The following PALLD variants were observed in gnomAD, a reference collection of about 807,000 sequenced individuals.
PALLD encodes palladin.
Under a neutral mutation model 123.5 loss-of-function variants are expected in PALLD, and 61 were observed. That is an observed-to-expected ratio of 0.49 (90% confidence interval 0.40 to 0.61). The LOEUF is 0.61. Ranked by LOEUF, PALLD falls within the 20% of genes least tolerant of loss-of-function variation. The probability of loss-of-function intolerance (pLI) is 0.00; values close to 1 mark genes in which losing one functional copy is unlikely to be tolerated. For synonymous variants in PALLD, 465 were observed against 496.4 expected (o/e 0.94, Z 0.84); for missense variants, 1,273 against 1,377.0 (o/e 0.92, Z 1.20).
Position 168,630,559 on chromosome 4 carries a change from C to G in PALLD, c.909-37631C>G, listed in dbSNP as rs543471871. On this transcript the variant is annotated intron_variant, in intron 2 of 21. Coordinates refer to ENST00000505667, the MANE Select transcript of PALLD (RefSeq NM_001166108.2). The stretch of plus-strand genomic sequence containing the variant: ...TTCACTTCAAAAAATACTGTTTGCA[C>G]TATCTCTACTATTGACCTCTCAAGA... Among the ~76,000 whole-genome samples, 117 of 152,314 alleles carry G rather than the reference C, an allele frequency of 7.7e-4. 2 individuals carry two copies. In the South Asian group the frequency reaches 0.024, roughly 31 times the overall value.
chr4:168,737,526 G>T (rs1439400054), intron 10 of PALLD, among the ~76,000 whole-genome samples: 6 of 148,034 alleles, frequency 4.1e-5, no homozygotes, highest in East Asian at 2.0e-4. Flanking sequence ...TGTTTTTTTG[G>T]TTTTTTTTTT....
At chr4:168,554,868 C>T (rs780928562) in intron 2 of PALLD, among the ~76,000 whole-genome samples, 52 of 152,172 alleles carry the variant, frequency 3.4e-4, no homozygotes, top group Non-Finnish European at 6.3e-4. Context: ...ATACTATTTA[C>T]TTTTATACTA....
intron 14 of PALLD, among the ~76,000 whole-genome samples, chr4:168,898,935 ATAAC>A (rs1755853264): frequency 6.6e-6 from 1 of 152,200 alleles, no homozygotes; most frequent in South Asian, 2.1e-4. Context: ...AGAATAGAGA[ATAAC>A]TAACAGGGAG....
intron 18 of PALLD, 39 bp from the exon 19 acceptor site, chr4:168,924,216 G>C (rs777810564): frequency 1.3e-6 from 2 of 1,573,738 alleles, no homozygotes; most frequent in South Asian, 2.2e-5. Flanking sequence ...TGCTCCTTTT[G>C]TATATCATTG....
At chr4:168,593,101 A>G (rs1771604514) in intron 2 of PALLD, among the ~76,000 whole-genome samples, 1 of 152,160 alleles carries the variant, frequency 6.6e-6, no homozygotes, top group South Asian at 2.1e-4. Context: ...CTGGTTCCCT[A>G]ATAATCTTCT....
intron 2 of PALLD, among the ~76,000 whole-genome samples, chr4:168,644,996 G>A (rs1777301965): frequency 6.6e-6 from 1 of 151,726 alleles, no homozygotes; most frequent in Non-Finnish European, 1.5e-5. Flanking sequence ...AGCTACTCGG[G>A]AAGCTGAGGC....
chr4:168,834,474 C>T (rs868815128), intron 10 of PALLD, among the ~76,000 whole-genome samples: 1 of 152,124 alleles, frequency 6.6e-6, no homozygotes, highest in Admixed American at 6.5e-5. Context: ...CATAGAGACT[C>T]ACACCTGTAA....
chr4:168,847,876 AAG>A (rs1335194813), intron 10 of PALLD, among the ~76,000 whole-genome samples: 1 of 152,134 alleles, frequency 6.6e-6, no homozygotes, highest in Non-Finnish European at 1.5e-5. Flanking sequence ...TTTTCTAAAA[AAG>A]AAAAAAAAAG....
intron 2 of PALLD, among the ~76,000 whole-genome samples, chr4:168,638,003 T>C (rs1297292393): frequency 6.7e-6 from 1 of 148,530 alleles, no homozygotes; most frequent in African/African-American, 2.5e-5. Flanking sequence ...TAGATGAGCA[T>C]GCTGTGTAAC....
rs35555541 is a variant in PALLD at position 168,527,422 on chromosome 4, C to CAAAAAA, written c.908+15027_908+15032dup. ...GGGCAACAGGAGTGAAACTCCATCT[C>CAAAAAA]AAAAAAAAAAAAAAAAAAAAAAGTC... On this transcript the variant is annotated intron_variant, in intron 2 of 21. Coordinates refer to ENST00000505667, the MANE Select transcript of PALLD (RefSeq NM_001166108.2). Among the ~76,000 whole-genome samples, 27 of 52,888 alleles carry CAAAAAA rather than the reference C, an allele frequency of 5.1e-4. 1 individual carries two copies. The highest frequency in any genetic ancestry group is 9.0e-4 in the African/African-American group (8 of 8,856). The allele number at this position is 52,888 out of a possible 152,430, so 34.7% of individuals were successfully genotyped here.
intron 10 of PALLD, among the ~76,000 whole-genome samples, chr4:168,834,748 A>C (rs1288436766): frequency 6.6e-6 from 1 of 152,236 alleles, no homozygotes; most frequent in Non-Finnish European, 1.5e-5. Flanking sequence ...AAATAAAAAA[A>C]AAATTAAATG....
chr4:168,870,065 A>G (rs981987821), intron 10 of PALLD, among the ~76,000 whole-genome samples: 12 of 152,234 alleles, frequency 7.9e-5, no homozygotes, highest in African/African-American at 2.7e-4. Flanking sequence ...GAGAAAAGCC[A>G]TGGGACTGCT....
At chr4:168,908,496 GA>G (rs57780205) in intron 15 of PALLD, among the ~76,000 whole-genome samples, 411 of 150,980 alleles carry the variant, frequency 2.7e-3, no homozygotes, top group African/African-American at 9.1e-3. Flanking sequence ...AAAAGGTGGT[GA>G]AAAAAAAATT....
At chr4:168,632,574 C>T (rs1775939508) in intron 2 of PALLD, among the ~76,000 whole-genome samples, 1 of 152,190 alleles carries the variant, frequency 6.6e-6, no homozygotes, top group Non-Finnish European at 1.5e-5. Flanking sequence ...TTTCCCGGTT[C>T]TCCTCTCCCT....
At chr4:168,593,710 G>A (rs973085335) in intron 2 of PALLD, among the ~76,000 whole-genome samples, 7 of 152,194 alleles carry the variant, frequency 4.6e-5, no homozygotes, top group African/African-American at 1.2e-4. Context: ...GAATTACAGT[G>A]TACTTGACGG....
intron 1 of PALLD, among the ~76,000 whole-genome samples, chr4:168,500,091 G>A (rs1761239776): frequency 1.3e-5 from 2 of 152,174 alleles, no homozygotes; most frequent in Admixed American, 1.3e-4. Flanking sequence ...GCAGTTGTGG[G>A]TAATACAAAC....
At chr4:168,646,249 C>G (rs1458146254) in intron 2 of PALLD, among the ~76,000 whole-genome samples, 1 of 152,182 alleles carries the variant, frequency 6.6e-6, no homozygotes, top group African/African-American at 2.4e-5. Context: ...AAATACCCCT[C>G]CTTTGAGGAG....
chr4:168,920,119 G>T (rs1761139132), intron 17 of PALLD, among the ~76,000 whole-genome samples: 1 of 152,192 alleles, frequency 6.6e-6, no homozygotes, highest in African/African-American at 2.4e-5. Flanking sequence ...CCTGACCAAA[G>T]ATGTCCACTC....
At chr4:168,871,422 T>G (rs531541605) in intron 10 of PALLD, among the ~76,000 whole-genome samples, 11 of 152,222 alleles carry the variant, frequency 7.2e-5, no homozygotes, top group Admixed American at 2.0e-4. Context: ...CACAGGGAGC[T>G]TTTCCTTGGT....
Sources: gnomAD v4.1 joint callset for allele counts (sites outside exome capture counted in the v4.1 genomes callset) on GRCh38, gnomAD v4.1.1 for gene constraint, MANE v1.5 for transcripts, NCBI Gene and HGNC (gene_info 2026-07-23, HGNC 2026-07-21) for gene names.